STPG3: variants seen among roughly 807,000 people sequenced by gnomAD.
The protein encoded by STPG3 is sperm-tail PG-rich repeat containing 3.
A neutral mutation model predicts 32.5 loss-of-function variants in STPG3; 39 were observed. The ratio of observed to expected loss-of-function variants is 1.20; its 90% CI spans 0.93 to 1.57. STPG3 has a LOEUF of 1.57. Among genes scored for constraint, STPG3 ranks in the 40% most tolerant of loss-of-function variants. STPG3 has a pLI of 0.00. For missense variants in STPG3, 507 were observed against 407.6 expected, an observed-to-expected ratio of 1.24 and a Z score of -2.10; for synonymous variants, 209 against 172.4, an observed-to-expected ratio of 1.21 and a Z score of -1.66.
intron 3 of STPG3, 93 bp downstream of exon 3, chr9:137,252,228 G>A: frequency 6.6e-7 from 1 of 1,509,612 alleles, no homozygotes; most frequent in Non-Finnish European, 8.9e-7. Context: ...CCCACGGCCT[G>A]AGGGCCCCTC....
chr9:137,251,773 C>G lies in STPG3; in HGVS notation c.146C>G (p.Pro49Arg). The G allele has an allele frequency of 6.3e-7, 1 of 1,587,076 alleles. No homozygotes were observed. The change falls in exon 2 of 6, where the codon CCG becomes CGG. Residue 49 changes from proline to arginine, a missense_variant. Transcript: ENST00000412566. ...TCTGTGCTGTTGTTGGGCCCGGAGC[C>G]GGGGATGGCCTGGGATGAGACACAG... ...KASVLLLGPE[P>R]GMAWDETQPP...
chr9:137,252,981 G>T lies in STPG3; in HGVS notation c.796+16G>T. The stretch of plus-strand genomic sequence containing the variant: ...CTCAGCACCTGTAAGGAGGCCTGGA[G>T]AGAAGAGGGCTAGGGATGGGGCATG... On this transcript the variant is annotated intron_variant, in intron 5 of 5. Coordinates refer to ENST00000412566, the MANE Select transcript of STPG3 (RefSeq NM_001004353.4). 6.3e-7 allele frequency: 1 copy of T among 1,586,598 alleles called. No homozygotes were observed. Among genetic ancestry groups the T allele is most frequent in the East Asian group, 2.3e-5 (1 of 43,986 alleles).
Position 137,251,292 on chromosome 9 carries a change from G to T in STPG3, c.6G>T (p.Met2Ile). 1 of 1,609,480 alleles carries T rather than the reference G, an allele frequency of 6.2e-7. No homozygotes were observed. The highest frequency in any genetic ancestry group is 8.5e-7 in the Non-Finnish European group (1 of 1,175,888). The change falls in exon 1 of 6, where the codon ATG (methionine) becomes ATT (isoleucine). Residue 2 changes from methionine (M) to isoleucine (I), a missense_variant. Coordinates refer to ENST00000412566, the MANE Select transcript of STPG3 (RefSeq NM_001004353.4). MMNSDQKAVKFL... is the reference protein window; with the variant it reads MINSDQKAVKFL... ...AAGAGAGCCAGGAGACTCTGATGAT[G>T]AATTCTGACCAGAAGGCAGTGAAAT...
At chr9:137,252,311 G>A in intron 3 of STPG3, 126 bp from the exon 4 acceptor site, 2 of 1,319,342 alleles carry the variant, frequency 1.5e-6, no homozygotes, top group South Asian at 2.7e-5. Flanking sequence ...TAGGGCTGGG[G>A]CATGGGTGGA....
rs778920642 is a variant in STPG3 at position 137,252,901 on chromosome 9, G to A, written c.732G>A (p.Gln244=). 8.8e-6 allele frequency: 14 copies of A among 1,598,236 alleles called. No individual in the cohort carries two copies. The East Asian group carries it at 2.5e-4, about 28-fold the overall frequency. ...TYNILPGSRL[Q]SPRSPAFSMS... The stretch of plus-strand genomic sequence containing the variant: ...ATATCCTTCCTGGGAGCCGCCTGCA[G>A]AGCCCCCGCTCGCCGGCCTTCTCGA... The change falls in exon 5 of 6, where the codon CAG becomes CAA. Residue 244 remains glutamine (Q), a synonymous_variant. Coordinates refer to ENST00000412566, the MANE Select transcript of STPG3 (RefSeq NM_001004353.4).
intron 1 of STPG3, 109 bp from the exon 2 acceptor site, chr9:137,251,629 C>A: frequency 7.5e-7 from 1 of 1,326,834 alleles, no homozygotes; most frequent in Non-Finnish European, 1.0e-6. Flanking sequence ...CTGTGGGGCA[C>A]GTGGCTGGGA....
rs757070055 is a variant in STPG3 at position 137,252,893 on chromosome 9, C to A, written c.724C>A (p.Arg242Ser). The change falls in exon 5 of 6, where the codon CGC becomes AGC. Residue 242 changes from arginine to serine, a missense_variant. Transcript: ENST00000412566. ...CACCTACAATATCCTTCCTGGGAGC[C>A]GCCTGCAGAGCCCCCGCTCGCCGGC... The part of the protein sequence containing the change: ...PNTYNILPGS[R>S]LQSPRSPAFS... 1 of 1,596,228 alleles carries A rather than the reference C, an allele frequency of 6.3e-7. No individual in the cohort carries two copies. The highest frequency in any genetic ancestry group is 1.1e-5 in the South Asian group (1 of 88,314).
At position 137,253,219 on chromosome 9, in the gene STPG3, G is replaced by A. The variant is rs200326904; in HGVS notation, c.901G>A (p.Asp301Asn). The change falls in exon 6 of 6, where the codon GAC becomes AAC. Residue 301 changes from aspartate to asparagine, a missense_variant. Coordinates refer to ENST00000412566, the MANE Select transcript of STPG3 (RefSeq NM_001004353.4). ...IQGVRRPKRHDTGPFCTL is the reference protein window; with the variant it reads ...IQGVRRPKRHNTGPFCTL ...GGGTGTACGCAGACCCAAGCGCCACGACACAGGCCCCTTCTGCACGCTCTA... is the reference window on the plus strand; with the variant it reads ...GGGTGTACGCAGACCCAAGCGCCACAACACAGGCCCCTTCTGCACGCTCTA... 4.4e-5 allele frequency: 71 copies of A among 1,608,494 alleles called. No homozygotes were observed. The highest frequency in any genetic ancestry group is 6.7e-5 in the African/African-American group (5 of 74,958).
chr9:137,252,058 A>G lies in STPG3; in HGVS notation c.326A>G (p.Tyr109Cys). Residue 109 changes from tyrosine to cysteine, a missense_variant, in exon 3 of 6, where the codon TAC becomes TGC. Physicochemically the swap from Tyr to Cys is radical, Grantham distance 194. Coordinates refer to ENST00000412566, the MANE Select transcript of STPG3 (RefSeq NM_001004353.4). ...CTGGAAGTCCCCAGCCCCACCAGGT[A>G]CCAGGTGCCGAGCCCGTCCGTACGA... ...ADLEVPSPTR[Y>C]QVPSPSVRES... 1 of 1,613,128 alleles carries G rather than the reference A, an allele frequency of 6.2e-7. No homozygotes were observed. Among genetic ancestry groups the G allele is most frequent in the Non-Finnish European group, 8.5e-7 (1 of 1,179,762 alleles).
At position 137,253,454 on chromosome 9, in the gene STPG3, G is replaced by C. The variant is rs776858640; in HGVS notation, c.*209G>C. The C allele has an allele frequency of 7.0e-7, 1 of 1,436,614 alleles. No individual in the cohort carries two copies. Among genetic ancestry groups the C allele is most frequent in the Admixed American group, 2.8e-5 (1 of 35,200 alleles). The allele number at this position is 1,436,614 out of a possible 1,614,324, so 89.0% of individuals were successfully genotyped here. On this transcript the variant is annotated 3_prime_UTR_variant, in exon 6 of 6. Transcript: ENST00000412566. ...GGATCCCCCATCTGCCCATCTCCCC[G>C]CTACACTGAGATGCTGTTGGTTTTC...
rs367914828 is a variant in STPG3 at position 137,252,709 on chromosome 9, C to T, written c.540C>T (p.Pro180=). ...HYQLLSRPAF[P]AFSFRGCHSA... ...AGCTGCTCAGCCGGCCCGCCTTCCC[C>T]GCCTTCAGCTTCAGAGGCTGCCACT... Residue 180 remains proline, a synonymous_variant, in exon 5 of 6, where the codon CCC becomes CCT. Coordinates refer to ENST00000412566, the MANE Select transcript of STPG3 (RefSeq NM_001004353.4). 24 of 1,552,916 alleles carry T rather than the reference C, an allele frequency of 1.5e-5. No individual in the cohort carries two copies. The highest frequency in any genetic ancestry group is 3.6e-5 in the South Asian group (3 of 84,310).
intron 1 of STPG3, 49 bp downstream of exon 1, chr9:137,251,445 G>A (rs57062189): frequency 2.2e-6 from 3 of 1,391,284 alleles, no homozygotes; most frequent in South Asian, 1.2e-5. Context: ...GGAGTGGCCA[G>A]GGGGCTGAGG....
rs928664057 is a variant in STPG3, at chr9:137,251,576, C to T, written c.111-162C>T. Reference sequence around the variant, plus strand: ...GCTGAGGGACAGTAGAGGGGACAGGCGGCTGGGAGCGGCCAGGGGCTGAGG... The same window carrying T: ...GCTGAGGGACAGTAGAGGGGACAGGTGGCTGGGAGCGGCCAGGGGCTGAGG... On this transcript the variant is annotated intron_variant, in intron 1 of 5. Transcript: ENST00000412566. 5.5e-5 allele frequency among the ~76,000 whole-genome samples: 8 copies of T among 145,468 alleles called. No individual in the cohort carries two copies. The highest frequency in any genetic ancestry group is 1.6e-4 in the African/African-American group (6 of 38,552).
Position 137,252,875 on chromosome 9 carries a change from A to C in STPG3, c.706A>C (p.Asn236His). Reference protein sequence around the residue: ...GKRCPGPNTYNILPGSRLQSP... With the variant: ...GKRCPGPNTYHILPGSRLQSP... ...GAGATGCCCTGGCCCCAACACCTACAATATCCTTCCTGGGAGCCGCCTGCA... is the reference window on the plus strand; with the variant it reads ...GAGATGCCCTGGCCCCAACACCTACCATATCCTTCCTGGGAGCCGCCTGCA... Residue 236 changes from asparagine (N) to histidine (H), a missense_variant, in exon 5 of 6, where the codon AAT becomes CAT. Asn to His is a moderately conservative substitution (Grantham distance 68, BLOSUM62 1). Coordinates refer to ENST00000412566, the MANE Select transcript of STPG3 (RefSeq NM_001004353.4). 6.3e-7 allele frequency: 1 copy of C among 1,590,356 alleles called. No individual in the cohort carries two copies. Among genetic ancestry groups the C allele is most frequent in the Non-Finnish European group, 8.6e-7 (1 of 1,169,284 alleles).
In STPG3 at chr9:137,252,137, T is replaced by C; in HGVS notation, c.403+2T>C. 1 of 1,604,930 alleles carries C rather than the reference T, an allele frequency of 6.2e-7. No homozygotes were observed. The highest frequency in any genetic ancestry group is 8.5e-7 in the Non-Finnish European group (1 of 1,175,884). Reference sequence around the variant, plus strand: ...TCGGCTGCAAGCACCAGGGCCGAGGTGTGTGTCCCCTCCCTGAGGCCCAAC... The same window carrying C: ...TCGGCTGCAAGCACCAGGGCCGAGGCGTGTGTCCCCTCCCTGAGGCCCAAC... On this transcript the variant is annotated splice_donor_variant, in intron 3 of 5. Transcript: ENST00000412566. LOFTEE classifies it high-confidence loss of function.
rs754385931 is a variant in STPG3, at chr9:137,252,428, C to T, written c.404-9C>T. ...CCCAGCCTTCTCTCTCTCCATCCTC[C>T]AACTACAGAGGGCGGTGGCCGCAGG... On this transcript the variant is annotated splice_polypyrimidine_tract_variant and intron_variant, in intron 3 of 5. Transcript: ENST00000412566. 1.2e-6 allele frequency: 2 copies of T among 1,608,204 alleles called. No homozygotes were observed. The highest frequency in any genetic ancestry group is 1.7e-6 in the Non-Finnish European group (2 of 1,177,480).
rs1837380669 is a variant in STPG3, at chr9:137,252,342, A to G, written c.404-95A>G. 4 of 1,400,548 alleles carry G rather than the reference A, an allele frequency of 2.9e-6. No individual in the cohort carries two copies. The African/African-American group carries it at 5.7e-5, about 20-fold the overall frequency. 86.8% of individuals were successfully genotyped at this position (1,400,548 alleles called of 1,614,324 possible). On this transcript the variant is annotated intron_variant, in intron 3 of 5. Coordinates refer to ENST00000412566, the MANE Select transcript of STPG3 (RefSeq NM_001004353.4). ...GTGGACATTGTGAAGACAAGGGTTC[A>G]GGGGCCGAGGGTGGGAACCGGGAGA...
At position 137,252,498 on chromosome 9, in the gene STPG3, G is replaced by A. The variant is rs1442621730; in HGVS notation, c.465G>A (p.Gln155=). ...LWFQSESPFT[Q]KADFDQEQKW... is the part of the protein sequence containing the mutation. ...TCCAGAGCGAAAGCCCCTTCACGCA[G>A]AAAGCTGACTTCGACCAAGAGCAAA... Residue 155 remains glutamine, a synonymous_variant, in exon 4 of 6, where the codon CAG becomes CAA. Coordinates refer to ENST00000412566, the MANE Select transcript of STPG3 (RefSeq NM_001004353.4). The A allele has an allele frequency of 1.3e-6, 2 of 1,560,084 alleles. No individual in the cohort carries two copies. Among genetic ancestry groups the A allele is most frequent in the Admixed American group, 1.8e-5 (1 of 57,066 alleles).
Position 137,252,154 on chromosome 9 carries a change from A to AG in STPG3, c.403+21dup. The AG allele has an allele frequency of 6.3e-7, 1 of 1,596,352 alleles. No individual in the cohort carries two copies. The highest frequency in any genetic ancestry group is 8.5e-7 in the Non-Finnish European group (1 of 1,170,326). ...GGCCGAGGTGTGTGTCCCCTCCCTGAGGCCCAACCACCGGGCCTGTCCCTC... is the reference window on the plus strand; with the variant it reads ...GGCCGAGGTGTGTGTCCCCTCCCTGAGGGCCCAACCACCGGGCCTGTCCCTC... On this transcript the variant is annotated intron_variant, in intron 3 of 5. Coordinates refer to ENST00000412566, the MANE Select transcript of STPG3 (RefSeq NM_001004353.4).
Sources: gnomAD v4.1 joint callset for allele counts (sites outside exome capture counted in the v4.1 genomes callset) on GRCh38, gnomAD v4.1.1 for gene constraint, MANE v1.5 for transcripts, NCBI Gene and HGNC (gene_info 2026-07-23, HGNC 2026-07-21) for gene names.